TANGO6: variants seen among roughly 807,000 people sequenced by gnomAD.
TANGO6 encodes transport and golgi organization 6 homolog.
Under a neutral mutation model 114.2 loss-of-function variants are expected in TANGO6, and 90 were observed. The ratio of observed to expected loss-of-function variants is 0.79; its 90% confidence interval spans 0.66 to 0.94. The LOEUF (loss-of-function observed/expected upper bound fraction) is 0.94. Ranked by LOEUF, TANGO6 falls within the 40% of genes least tolerant of loss-of-function variation. The probability of loss-of-function intolerance (pLI) is 0.00; values close to 1 mark genes in which losing one functional copy is unlikely to be tolerated. For synonymous variants in TANGO6, 477 were observed against 509.8 expected (o/e 0.94, Z 0.87); for missense variants, 1,274 against 1,315.3 (o/e 0.97, Z 0.49).
chr16:69,050,405 G>A (rs1007563352), intron 17 of TANGO6, among the ~76,000 whole-genome samples: 25 of 151,870 alleles, frequency 1.6e-4, no homozygotes, highest in African/African-American at 5.6e-4. Flanking sequence ...GGTGTGGCAC[G>A]ATCATGGCTC....
At chr16:68,879,552 G>C (rs1023402024) in intron 6 of TANGO6, among the ~76,000 whole-genome samples, 2 of 151,500 alleles carry the variant, frequency 1.3e-5, no homozygotes, top group Non-Finnish European at 2.9e-5. Context: ...ACATATTATA[G>C]AGATTATATA....
chr16:68,898,135 G>A (rs1411204833), intron 7 of TANGO6, among the ~76,000 whole-genome samples: 9 of 151,844 alleles, frequency 5.9e-5, no homozygotes, highest in Admixed American at 4.6e-4. Context: ...AGGTCTTTAC[G>A]TTATCTGGAA....
chr16:68,992,870 A>C (rs563784065), intron 15 of TANGO6, among the ~76,000 whole-genome samples: 2 of 152,134 alleles, frequency 1.3e-5, no homozygotes, highest in Non-Finnish European at 2.9e-5. Flanking sequence ...GGAGTTCAAG[A>C]CCAGTTTGAC....
chr16:68,846,398 G>C (rs1009726633), intron 1 of TANGO6: 1 of 218,604 alleles, frequency 4.6e-6, no homozygotes, highest in African/African-American at 2.4e-5. Context: ...TTTGACTGAA[G>C]TACATGAAGA....
intron 1 of TANGO6, among the ~76,000 whole-genome samples, chr16:68,848,589 A>C (rs1192782393): frequency 6.6e-6 from 1 of 152,158 alleles, no homozygotes. Flanking sequence ...TCACCCAGAG[A>C]TCACCACTAT....
chr16:68,989,256 T>TTTGTTC (rs1408138385), intron 15 of TANGO6, among the ~76,000 whole-genome samples: 2 of 152,098 alleles, frequency 1.3e-5, no homozygotes, highest in Admixed American at 1.3e-4. Flanking sequence ...ATTAGATTTT[T>TTTGTTC]TTGTTCTTGT....
chr16:68,874,166 C>T (rs1039018340), intron 4 of TANGO6, among the ~76,000 whole-genome samples: 24 of 152,200 alleles, frequency 1.6e-4, no homozygotes, highest in Admixed American at 1.5e-3. Context: ...TTTTGCAGAT[C>T]TTTGGAACTC....
intron 15 of TANGO6, among the ~76,000 whole-genome samples, chr16:69,011,709 C>G (rs1246421793): frequency 6.6e-6 from 1 of 152,214 alleles, no homozygotes; most frequent in African/African-American, 2.4e-5. Flanking sequence ...CCTCCCACCT[C>G]AGCTGCCCAA....
At chr16:69,055,098 C>A (rs1273814308) in intron 17 of TANGO6, among the ~76,000 whole-genome samples, 1 of 151,960 alleles carries the variant, frequency 6.6e-6, no homozygotes, top group Non-Finnish European at 1.5e-5. Context: ...GTTCAGTCCA[C>A]CAGCTTTCAG....
intron 1 of TANGO6, among the ~76,000 whole-genome samples, chr16:68,853,660 T>C: frequency 6.6e-6 from 1 of 152,186 alleles, no homozygotes; most frequent in East Asian, 1.9e-4. Context: ...GACAAGTATG[T>C]TAGAGTGGAA....
At chr16:68,888,837 G>A (rs1962573457) in intron 7 of TANGO6, among the ~76,000 whole-genome samples, 1 of 152,086 alleles carries the variant, frequency 6.6e-6, no homozygotes, top group South Asian at 2.1e-4. Flanking sequence ...TTTTGAGCCG[G>A]AGTTTCGCTC....
At chr16:68,914,954 TA>T (rs1962977677) in intron 11 of TANGO6, among the ~76,000 whole-genome samples, 1 of 128,426 alleles carries the variant, frequency 7.8e-6, no homozygotes, top group Non-Finnish European at 1.6e-5. Flanking sequence ...CTTGTTTTGA[TA>T]TCTACACACA....
intron 16 of TANGO6, among the ~76,000 whole-genome samples, chr16:69,039,251 C>T (rs1265859646): frequency 2.0e-5 from 3 of 151,500 alleles, no homozygotes; most frequent in African/African-American, 7.3e-5. Context: ...TCACTTGAAC[C>T]TAGGAGGCAG....
intron 14 of TANGO6, among the ~76,000 whole-genome samples, chr16:68,939,903 T>C (rs906992356): frequency 6.6e-6 from 1 of 152,194 alleles, no homozygotes; most frequent in Non-Finnish European, 1.5e-5. Flanking sequence ...GCTGTACATA[T>C]CTACATCTTC....
intron 15 of TANGO6, among the ~76,000 whole-genome samples, chr16:68,981,247 G>A (rs1597046327): frequency 1.0e-5 from 1 of 95,594 alleles, no homozygotes; most frequent in Non-Finnish European, 1.9e-5. Flanking sequence ...GTCTTGCTCT[G>A]TTGCCCAGGC....
intron 17 of TANGO6, among the ~76,000 whole-genome samples, chr16:69,046,255 C>T (rs894168071): frequency 1.5e-4 from 22 of 151,426 alleles, no homozygotes; most frequent in African/African-American, 5.3e-4. Flanking sequence ...ACATGTTCCC[C>T]AGAGAGAAGA....
At chr16:68,899,505 C>CT (rs753964803) in intron 7 of TANGO6, among the ~76,000 whole-genome samples, 3,971 of 142,676 alleles carry the variant, frequency 0.028, 78 homozygotes, top group African/African-American at 0.057. Context: ...TCCTCACACA[C>CT]TTTTTTTTTT....
At chr16:68,963,683 T>G (rs968605628) in intron 14 of TANGO6, among the ~76,000 whole-genome samples, 1 of 152,230 alleles carries the variant, frequency 6.6e-6, no homozygotes, top group Non-Finnish European at 1.5e-5. Context: ...AACTTTTGGC[T>G]AAATCATTGG....
intron 11 of TANGO6, among the ~76,000 whole-genome samples, chr16:68,911,869 A>T (rs1962927211): frequency 6.6e-6 from 1 of 152,220 alleles, no homozygotes; most frequent in African/African-American, 2.4e-5. Context: ...CCTGAGATGA[A>T]TGGGATCATA....
Sources: gnomAD v4.1 joint callset for allele counts (sites outside exome capture counted in the v4.1 genomes callset) on GRCh38, gnomAD v4.1.1 for gene constraint, MANE v1.5 for transcripts, NCBI Gene and HGNC (gene_info 2026-07-23, HGNC 2026-07-21) for gene names.